KLF8: variants seen among roughly 807,000 people sequenced by gnomAD.
KLF8 encodes the protein Krueppel-like factor 8.
In KLF8, 10 loss-of-function variants were observed where a neutral mutation model predicts 18.2. The observed-to-expected ratio is 0.55, with a 90% CI of 0.34 to 0.93. The LOEUF is 0.93. Among genes scored for constraint, KLF8 ranks in the 40% least tolerant of loss-of-function variants. KLF8 has a pLI of 0.02. For missense variants in KLF8, 264 were observed against 277.9 expected (o/e 0.95, Z 0.36); for synonymous variants, 109 against 97.3 (o/e 1.12, Z -0.71).
chrX:56,167,685 G>C, the KLF8 span, among the ~76,000 whole-genome samples: 1 of 111,759 alleles, frequency 8.9e-6, no homozygotes, highest in Admixed American at 9.6e-5. Context: ...CAATGATTGA[G>C]CCCTTACCAT....
At chrX:56,088,444 C>T in the KLF8 span, among the ~76,000 whole-genome samples, 1 of 111,414 alleles carries the variant, frequency 9.0e-6, no homozygotes, top group South Asian at 3.8e-4. Flanking sequence ...TATAATGAGT[C>T]ACTCAAACAA....
the KLF8 span, among the ~76,000 whole-genome samples, chrX:56,171,227 A>G: frequency 8.9e-6 from 1 of 112,070 alleles, no homozygotes; most frequent in Non-Finnish European, 1.9e-5. Context: ...CAAGACATAG[A>G]CAGTACAAAA....
the KLF8 span, among the ~76,000 whole-genome samples, chrX:56,031,376 C>T: frequency 7.1e-5 from 8 of 112,041 alleles, no homozygotes; most frequent in Non-Finnish European, 1.3e-4. Context: ...ACAAAAGTGC[C>T]GATACAGGCA....
the KLF8 span, among the ~76,000 whole-genome samples, chrX:56,175,632 A>T: frequency 1.8e-5 from 2 of 111,468 alleles, no homozygotes; most frequent in Admixed American, 1.9e-4. Context: ...TGCAGAGCAG[A>T]GTTCAATTCC....
chrX:56,161,700 A>C, the KLF8 span, among the ~76,000 whole-genome samples: 1 of 110,952 alleles, frequency 9.0e-6, no homozygotes, highest in African/African-American at 3.3e-5. Flanking sequence ...TGACTTCTTC[A>C]CGCCATGGGT....
the KLF8 span, among the ~76,000 whole-genome samples, chrX:55,917,640 C>A: frequency 1.8e-5 from 2 of 111,290 alleles, no homozygotes; most frequent in African/African-American, 6.5e-5. Context: ...ACCCTGTCAT[C>A]TACTCACTCT....
At chrX:55,998,809 A>ATTTT in the KLF8 span, among the ~76,000 whole-genome samples, 50 of 89,761 alleles carry the variant, frequency 5.6e-4, no homozygotes, top group African/African-American at 2.0e-3. Context: ...TGGTCTTTTA[A>ATTTT]TTTTTTTTTT....
chrX:56,146,655 A>G, the KLF8 span, among the ~76,000 whole-genome samples: 1 of 108,912 alleles, frequency 9.2e-6, no homozygotes, highest in Non-Finnish European at 1.9e-5. Flanking sequence ...TGGCATGTGT[A>G]TACCTGTGTA....
the KLF8 span, among the ~76,000 whole-genome samples, chrX:55,923,066 G>A: frequency 9.0e-6 from 1 of 111,034 alleles, no homozygotes; most frequent in African/African-American, 3.3e-5. Flanking sequence ...GCAAAGACAT[G>A]GAATCAACCC....
At chrX:56,223,601 G>A in the KLF8 span, among the ~76,000 whole-genome samples, 1 of 112,735 alleles carries the variant, frequency 8.9e-6, no homozygotes, top group East Asian at 2.8e-4. Flanking sequence ...ACATTTGTGG[G>A]TAAAGTTCAC....
At chrX:56,208,522 G>C in the KLF8 span, among the ~76,000 whole-genome samples, 2 of 110,326 alleles carry the variant, frequency 1.8e-5, no homozygotes, top group African/African-American at 6.6e-5. Context: ...GGTTTGGTTT[G>C]CTCTTGCTTT....
chrX:56,046,038 G>A, the KLF8 span, among the ~76,000 whole-genome samples: 1 of 108,336 alleles, frequency 9.2e-6, no homozygotes, highest in Admixed American at 1.0e-4. Context: ...CAGTTTTGCT[G>A]AAAGTTTTCA....
chrX:56,242,185 G>A (rs773433370), intron 1 of KLF8, among the ~76,000 whole-genome samples: 3 of 112,098 alleles, frequency 2.7e-5, no homozygotes, highest in Non-Finnish European at 5.6e-5. Flanking sequence ...TCATTCTGGC[G>A]TATTTATTTT....
chrX:56,158,937 G>GT, the KLF8 span, among the ~76,000 whole-genome samples: 2 of 111,622 alleles, frequency 1.8e-5, no homozygotes, highest in Non-Finnish European at 3.8e-5. Flanking sequence ...AATAGGAGTG[G>GT]TGAGAGAGGG....
the KLF8 span, among the ~76,000 whole-genome samples, chrX:56,026,470 A>G: frequency 3.5e-4 from 39 of 111,928 alleles, no homozygotes; most frequent in African/African-American, 1.2e-3. Context: ...TAAGAGGAGT[A>G]TCCTGTTTTC....
At chrX:56,204,655 A>G in the KLF8 span, among the ~76,000 whole-genome samples, 1 of 111,132 alleles carries the variant, frequency 9.0e-6, no homozygotes, top group African/African-American at 3.3e-5. Flanking sequence ...ATTTTATTAA[A>G]TGCTTTTTCA....
chrX:56,080,977 C>T, the KLF8 span, among the ~76,000 whole-genome samples: 2 of 110,915 alleles, frequency 1.8e-5, no homozygotes, highest in African/African-American at 3.3e-5. Context: ...ACGTAGTTCT[C>T]GAGCCTTGGT....
At chrX:56,023,206 A>C in the KLF8 span, among the ~76,000 whole-genome samples, 10 of 111,894 alleles carry the variant, frequency 8.9e-5, no homozygotes, top group Middle Eastern at 4.6e-3. Context: ...GGGAATTAAG[A>C]TGGTATATGG....
chrX:55,960,410 G>A, the KLF8 span, among the ~76,000 whole-genome samples: 1 of 111,499 alleles, frequency 9.0e-6, no homozygotes, highest in South Asian at 3.8e-4. Context: ...CAGCTACTCG[G>A]GAGGCAGAGG....
Sources: allele counts gnomAD v4.1 joint callset (sites outside exome capture counted in the v4.1 genomes callset), GRCh38; gene constraint gnomAD v4.1.1; transcripts MANE v1.5; gene names NCBI Gene and HGNC (gene_info 2026-07-23, HGNC 2026-07-21).